Variants in MACO1 observed in about 807,000 individuals in gnomAD.
The protein encoded by MACO1 is macoilin.
MACO1 carries 14 observed loss-of-function variants against 78.7 expected under a neutral mutation model. The observed-to-expected ratio is 0.18, with a 90% CI of 0.12 to 0.28. The LOEUF is 0.28. MACO1 is among the 10% of genes least tolerant of loss of function. MACO1 has a pLI of 1.00. For synonymous variants in MACO1, 288 were observed against 291.6 expected (o/e 0.99, Z 0.12); for missense variants, 501 against 799.0 (o/e 0.63, Z 4.50).
At chr1:25,431,682 G>C (rs1571942732) in intron 1 of MACO1, among the ~76,000 whole-genome samples, 1 of 152,122 alleles carries the variant, frequency 6.6e-6, no homozygotes, top group African/African-American at 2.4e-5. Flanking sequence ...GTTCCCCCAA[G>C]CTGCCAGCAT....
chr1:25,438,559 A>G (rs955062356), intron 1 of MACO1, among the ~76,000 whole-genome samples: 7 of 152,224 alleles, frequency 4.6e-5, no homozygotes, highest in African/African-American at 1.4e-4. Context: ...TGTAAATTCT[A>G]TGTGGAACTC....
chr1:25,480,925 AAAAAATATATAT>A (rs1219301458), intron 6 of MACO1, among the ~76,000 whole-genome samples: 12 of 32,096 alleles, frequency 3.7e-4, no homozygotes, highest in African/African-American at 4.6e-4. Context: ...AAAAAAAAAA[AAAAAATATATAT>A]ATATATATAT....
chr1:25,496,146 T>C (rs888571567), intron 10 of MACO1, among the ~76,000 whole-genome samples: 5 of 152,008 alleles, frequency 3.3e-5, no homozygotes, highest in African/African-American at 1.2e-4. Context: ...GTGGGCTTTT[T>C]TTTTTCTTTT....
intron 5 of MACO1, among the ~76,000 whole-genome samples, chr1:25,458,106 C>T (rs989347157): frequency 6.6e-6 from 1 of 152,120 alleles, no homozygotes; most frequent in African/African-American, 2.4e-5. Context: ...TTATAAAACC[C>T]TGATCTTGTT....
intron 1 of MACO1, among the ~76,000 whole-genome samples, chr1:25,435,002 A>G (rs2042907434): frequency 6.6e-6 from 1 of 152,224 alleles, no homozygotes; most frequent in African/African-American, 2.4e-5. Context: ...TTATAATATA[A>G]AAATGAGGAG....
At chr1:25,483,970 C>A in intron 6 of MACO1, 146 bp from the exon 7 acceptor site, 2 of 726,742 alleles carry the variant, frequency 2.8e-6, no homozygotes, top group Admixed American at 3.5e-5. Context: ...AACCCAGTTG[C>A]AGACAGGAGT....
chr1:25,495,236 T>C (rs1409212191), intron 10 of MACO1, among the ~76,000 whole-genome samples: 1 of 152,186 alleles, frequency 6.6e-6, no homozygotes, highest in Non-Finnish European at 1.5e-5. Context: ...CCAGAGGAGC[T>C]TGGCTTCCCA....
chr1:25,484,629 C>A (rs1190993801), intron 7 of MACO1, among the ~76,000 whole-genome samples: 2 of 152,116 alleles, frequency 1.3e-5, no homozygotes, highest in Non-Finnish European at 2.9e-5. Flanking sequence ...GAGGATTTGA[C>A]TATATTTACT....
At chr1:25,489,898 T>TA (rs998299655) in intron 9 of MACO1, among the ~76,000 whole-genome samples, 3 of 150,474 alleles carry the variant, frequency 2.0e-5, no homozygotes, top group Non-Finnish European at 4.4e-5. Flanking sequence ...CCGAAAAAAA[T>TA]ACGAAAAAAA....
At chr1:25,489,067 T>A (rs1379152466) in intron 8 of MACO1, 106 bp from the exon 9 acceptor site, 1 of 1,377,262 alleles carries the variant, frequency 7.3e-7, no homozygotes, top group East Asian at 2.6e-5. Context: ...ATAATCTGCC[T>A]GCCTCGGCCT....
At chr1:25,437,298 CTTT>C (rs1173305681) in intron 1 of MACO1, among the ~76,000 whole-genome samples, 1 of 65,880 alleles carries the variant, frequency 1.5e-5, no homozygotes, top group Non-Finnish European at 2.9e-5. Context: ...CCATGCCTGG[CTTT>C]TTTTTTTTTT....
intron 1 of MACO1, among the ~76,000 whole-genome samples, chr1:25,442,235 C>T (rs912022991): frequency 6.6e-6 from 1 of 152,134 alleles, no homozygotes. Context: ...AGGGGCTGAA[C>T]GAATGTTCTA....
intron 6 of MACO1, among the ~76,000 whole-genome samples, chr1:25,470,330 C>T (rs2043256581): frequency 6.6e-6 from 1 of 152,150 alleles, no homozygotes; most frequent in African/African-American, 2.4e-5. Flanking sequence ...CTCCTAGCTC[C>T]AGGGCAAGAG....
chr1:25,439,412 A>G (rs2042948450), intron 1 of MACO1, among the ~76,000 whole-genome samples: 1 of 151,754 alleles, frequency 6.6e-6, no homozygotes, highest in Non-Finnish European at 1.5e-5. Flanking sequence ...AAATAAACAA[A>G]CAAAAAAGGG....
chr1:25,447,714 G>A (rs1338028241), intron 2 of MACO1, among the ~76,000 whole-genome samples: 2 of 152,154 alleles, frequency 1.3e-5, no homozygotes, highest in Admixed American at 6.5e-5. Context: ...TAACATCTTA[G>A]TATTGTTATG....
intron 1 of MACO1, 70 bp downstream of exon 1, chr1:25,431,248 C>T (rs1428295179): frequency 5.4e-6 from 7 of 1,285,578 alleles, no homozygotes; most frequent in Non-Finnish European, 6.4e-6. Context: ...GGGGCCTGGC[C>T]CCGTTATGTA....
At chr1:25,442,310 G>A (rs1357534856) in intron 1 of MACO1, among the ~76,000 whole-genome samples, 2 of 152,206 alleles carry the variant, frequency 1.3e-5, no homozygotes, top group Non-Finnish European at 2.9e-5. Context: ...GGTCTAGGAA[G>A]TATGGCAGAT....
At chr1:25,432,605 G>T (rs573509223) in intron 1 of MACO1, among the ~76,000 whole-genome samples, 24 of 152,310 alleles carry the variant, frequency 1.6e-4, no homozygotes, top group Non-Finnish European at 2.9e-5. Flanking sequence ...TGGAGGAAAG[G>T]TCTCTTCAAT....
rs1571961460 is a variant in MACO1, at chr1:25,454,416, G to GTT, written c.473+35_473+36insTT. On this transcript the variant is annotated intron_variant, in intron 4 of 10. Transcript: ENST00000374343. ...TACATAAATGTATGTGTGTGTGTGTGTATATGTGTGTATGTATATATATGT... is the reference window on the plus strand; with the variant it reads ...TACATAAATGTATGTGTGTGTGTGTGTTTATATGTGTGTATGTATATATATGT... 22 of 1,351,108 alleles carry GTT rather than the reference G, an allele frequency of 1.6e-5. No individual in the cohort carries two copies. The East Asian group carries it at 5.7e-4, about 35-fold the overall frequency. 83.7% of individuals were successfully genotyped at this position (1,351,108 alleles called of 1,614,324 possible). A position where few individuals can be genotyped will look rare whatever the true frequency, so the allele number is the denominator to read the frequency against.
Sources: gnomAD v4.1 joint callset for allele counts (sites outside exome capture counted in the v4.1 genomes callset) on GRCh38, gnomAD v4.1.1 for gene constraint, MANE v1.5 for transcripts, NCBI Gene and HGNC (gene_info 2026-07-23, HGNC 2026-07-21) for gene names.